Variants in COP1 observed in about 807,000 individuals in gnomAD.
The protein encoded by COP1 is E3 ubiquitin-protein ligase COP1.
Under a neutral mutation model 101.3 loss-of-function variants are expected in COP1, and 24 were observed. The observed-to-expected ratio is 0.24, with a 90% CI of 0.17 to 0.33. The LOEUF is 0.33. Ranked by LOEUF, COP1 falls within the 10% of genes least tolerant of loss-of-function variation. The probability of loss-of-function intolerance (pLI) is 1.00; values close to 1 mark genes in which losing one functional copy is unlikely to be tolerated. For missense variants in COP1, 663 were observed against 906.2 expected, an observed-to-expected ratio of 0.73 and a Z score of 3.45; for synonymous variants, 347 against 341.9, an observed-to-expected ratio of 1.01 and a Z score of -0.17.
At chr1:175,993,032 C>A (rs573725120) in intron 15 of COP1, among the ~76,000 whole-genome samples, 1 of 152,282 alleles carries the variant, frequency 6.6e-6, no homozygotes, top group Non-Finnish European at 1.5e-5. Flanking sequence ...GCCGGGTACT[C>A]CTCTGAGACA....
chr1:176,124,077 T>A (rs992507469), intron 8 of COP1, among the ~76,000 whole-genome samples: 8 of 152,188 alleles, frequency 5.3e-5, no homozygotes, highest in Non-Finnish European at 8.8e-5. Context: ...ACTTTTATCA[T>A]CATCATCAAG....
At chr1:176,164,648 G>C (rs1489191638) in intron 3 of COP1, among the ~76,000 whole-genome samples, 1 of 152,146 alleles carries the variant, frequency 6.6e-6, no homozygotes, top group Non-Finnish European at 1.5e-5. Flanking sequence ...CCAGCCAAAA[G>C]ACCAAGGTAT....
At chr1:176,067,986 G>C (rs1468208848) in intron 11 of COP1, among the ~76,000 whole-genome samples, 3 of 152,278 alleles carry the variant, frequency 2.0e-5, no homozygotes, top group East Asian at 1.9e-4. Context: ...CGCACACCCT[G>C]CAAGGGGGAC....
intron 6 of COP1, among the ~76,000 whole-genome samples, chr1:176,136,786 GTTTGA>G (rs1202655055): frequency 6.6e-6 from 1 of 152,054 alleles, no homozygotes; most frequent in African/African-American, 2.4e-5. Flanking sequence ...TAATACAACA[GTTTGA>G]TTTTACAATA....
rs771783498 is a variant in COP1, at chr1:176,096,039, G to A, written c.1027-10149C>T. Among the ~76,000 whole-genome samples, 93 of 152,184 alleles carry A rather than the reference G, an allele frequency of 6.1e-4. 2 individuals are homozygous for A. The highest frequency in any genetic ancestry group is 1.4e-3 in the Admixed American group (22 of 15,282). On this transcript the variant is annotated intron_variant, in intron 9 of 19. Transcript: ENST00000367669. ...AGGACTCTCTCTTGCTTTGCTGAGC[G>A]TTATTTTTCCTTTTTACCCAATAAA...
At chr1:175,999,583 T>C (rs571062250) in intron 15 of COP1, among the ~76,000 whole-genome samples, 5 of 152,258 alleles carry the variant, frequency 3.3e-5, no homozygotes, top group African/African-American at 1.2e-4. Context: ...GGAATGCAGA[T>C]AGCTCTTTCA....
intron 6 of COP1, among the ~76,000 whole-genome samples, chr1:176,141,838 C>A (rs1002444839): frequency 4.0e-5 from 6 of 151,798 alleles, no homozygotes; most frequent in African/African-American, 1.5e-4. Context: ...TCAAGCAATT[C>A]TCTCACCTCA....
intron 6 of COP1, among the ~76,000 whole-genome samples, chr1:176,141,188 A>G (rs1318151145): frequency 6.6e-6 from 1 of 152,192 alleles, no homozygotes; most frequent in Admixed American, 6.5e-5. Flanking sequence ...TACACTTTCA[A>G]TGGGGAAAAG....
intron 11 of COP1, among the ~76,000 whole-genome samples, chr1:176,080,925 GA>G (rs1679005107): frequency 6.6e-6 from 1 of 152,084 alleles, no homozygotes; most frequent in Admixed American, 6.6e-5. Flanking sequence ...GATAGTACAA[GA>G]AAACAAGCTA....
At chr1:176,138,474 C>T (rs1173128161) in intron 6 of COP1, among the ~76,000 whole-genome samples, 3 of 152,030 alleles carry the variant, frequency 2.0e-5, no homozygotes, top group Admixed American at 6.6e-5. Flanking sequence ...AACTTCCTGC[C>T]GCCTTAAAAT....
chr1:176,174,399 A>G (rs1480875276), intron 3 of COP1, among the ~76,000 whole-genome samples: 1 of 152,168 alleles, frequency 6.6e-6, no homozygotes, highest in Non-Finnish European at 1.5e-5. Context: ...CCTGCAAGGT[A>G]CCATGCCACT....
At chr1:176,119,185 T>G (rs1007771032) in intron 8 of COP1, among the ~76,000 whole-genome samples, 4 of 152,208 alleles carry the variant, frequency 2.6e-5, no homozygotes, top group African/African-American at 9.6e-5. Context: ...ATCCAGAGAC[T>G]AAGAGGACTG....
At chr1:176,118,773 A>C (rs1029092744) in intron 8 of COP1, among the ~76,000 whole-genome samples, 5 of 152,034 alleles carry the variant, frequency 3.3e-5, no homozygotes, top group African/African-American at 1.2e-4. Context: ...AACAAACAAA[A>C]AAACAAAAAC....
At chr1:175,961,513 C>A (rs997399831) in intron 18 of COP1, among the ~76,000 whole-genome samples, 1 of 151,716 alleles carries the variant, frequency 6.6e-6, no homozygotes, top group Non-Finnish European at 1.5e-5. Flanking sequence ...AGACCATAGG[C>A]CAACAGGGGA....
intron 15 of COP1, among the ~76,000 whole-genome samples, chr1:176,002,303 C>A (rs892119713): frequency 1.3e-5 from 2 of 151,926 alleles, no homozygotes; most frequent in Non-Finnish European, 2.9e-5. Flanking sequence ...TGGATAATCA[C>A]AACTGACCTA....
intron 5 of COP1, among the ~76,000 whole-genome samples, chr1:176,156,703 T>C (rs1215039054): frequency 6.6e-6 from 1 of 152,076 alleles, no homozygotes; most frequent in Non-Finnish European, 1.5e-5. Context: ...ACAATAAACA[T>C]ATCCATTTCA....
At chr1:176,023,412 T>C (rs1667106975) in intron 15 of COP1, among the ~76,000 whole-genome samples, 1 of 152,158 alleles carries the variant, frequency 6.6e-6, no homozygotes. Flanking sequence ...TTAGAAAATA[T>C]GAATTCACCT....
chr1:176,003,233 C>G (rs34450618), intron 15 of COP1, among the ~76,000 whole-genome samples: 10,396 of 151,844 alleles, frequency 0.068, 439 homozygotes, highest in Middle Eastern at 0.12. Context: ...TGAGTTCATT[C>G]TAGATTCTGG....
chr1:176,104,313 T>C (rs1486289788), intron 9 of COP1, among the ~76,000 whole-genome samples: 2 of 152,158 alleles, frequency 1.3e-5, no homozygotes, highest in Middle Eastern at 6.3e-3. Flanking sequence ...AAGATCTAGA[T>C]GTAATTTTTA....
Sources: allele counts gnomAD v4.1 joint callset (sites outside exome capture counted in the v4.1 genomes callset), GRCh38; gene constraint gnomAD v4.1.1; transcripts MANE v1.5; gene names NCBI Gene and HGNC (gene_info 2026-07-23, HGNC 2026-07-21).